The following CHLSN variants were observed in gnomAD, a reference collection of about 807,000 sequenced individuals.
The protein encoded by CHLSN is cholesin, also known as protein cholesin.
the CHLSN span, among the ~76,000 whole-genome samples, chr7:1,072,368 A>G: frequency 6.6e-6 from 1 of 152,244 alleles, no homozygotes; most frequent in South Asian, 2.1e-4. Flanking sequence ...GCAGTGGGGC[A>G]GACACCGGTT....
At chr7:1,058,398 C>T in the CHLSN span, 1 of 780,728 alleles carries the variant, frequency 1.3e-6, no homozygotes, top group Non-Finnish European at 2.4e-6. Context: ...GACACCACTT[C>T]TCTACCGCTA....
chr7:995,867 A>G, the CHLSN span, among the ~76,000 whole-genome samples: 1 of 152,234 alleles, frequency 6.6e-6, no homozygotes, highest in Admixed American at 6.5e-5. Flanking sequence ...TTTGGCCACA[A>G]CAGTTGGGGG....
At chr7:1,125,097 C>T in the CHLSN span, among the ~76,000 whole-genome samples, 116 of 152,376 alleles carry the variant, frequency 7.6e-4, no homozygotes, top group Admixed American at 1.8e-3. Flanking sequence ...CCTGCAGCCA[C>T]AGACGTGGTG....
chr7:1,022,383 A>C, the CHLSN span, among the ~76,000 whole-genome samples: 2 of 152,344 alleles, frequency 1.3e-5, no homozygotes, highest in Admixed American at 1.3e-4. Context: ...ATTCTGTTCC[A>C]ATTTAAAGAA....
At chr7:1,012,178 G>C in the CHLSN span, among the ~76,000 whole-genome samples, 1 of 152,262 alleles carries the variant, frequency 6.6e-6, no homozygotes, top group Non-Finnish European at 1.5e-5. Flanking sequence ...ACGGGCCAAA[G>C]TCCATAACAC....
chr7:1,022,167 C>T, the CHLSN span, among the ~76,000 whole-genome samples: 17 of 152,188 alleles, frequency 1.1e-4, no homozygotes, highest in Non-Finnish European at 7.3e-5. Context: ...ACGGTGGTGA[C>T]GGCAGCTCAG....
the CHLSN span, among the ~76,000 whole-genome samples, chr7:1,133,409 A>AAAAAAAACAAAAC: frequency 6.7e-6 from 1 of 149,432 alleles, no homozygotes. Flanking sequence ...AAAAAAAAAA[A>AAAAAAAACAAAAC]AAAACTATAA....
the CHLSN span, among the ~76,000 whole-genome samples, chr7:1,119,817 C>T: frequency 2.7e-5 from 4 of 149,442 alleles, no homozygotes; most frequent in East Asian, 2.0e-4. Context: ...GCAGAGGTTG[C>T]GGTGAGCCGA....
chr7:1,127,360 G>C, the CHLSN span: 1 of 1,607,754 alleles, frequency 6.2e-7, no homozygotes. Context: ...TGTCACTTCA[G>C]GAACTTTTCT....
the CHLSN span, among the ~76,000 whole-genome samples, chr7:1,103,072 C>T: frequency 7.2e-5 from 11 of 152,202 alleles, no homozygotes; most frequent in Admixed American, 3.9e-4. Context: ...GCGTGCGGGC[C>T]GGGGTCTGGA....
the CHLSN span, among the ~76,000 whole-genome samples, chr7:1,060,424 G>A: frequency 6.6e-6 from 1 of 152,162 alleles, no homozygotes; most frequent in African/African-American, 2.4e-5. Context: ...GGGGTTCTGT[G>A]GCACACTTCC....
the CHLSN span, among the ~76,000 whole-genome samples, chr7:1,125,678 G>A: frequency 1.5e-4 from 23 of 152,230 alleles, no homozygotes; most frequent in Admixed American, 1.4e-3. Flanking sequence ...ACTGAAATCT[G>A]ACATGAGAAC....
At chr7:1,109,174 C>T in the CHLSN span, among the ~76,000 whole-genome samples, 2 of 152,126 alleles carry the variant, frequency 1.3e-5, no homozygotes, top group African/African-American at 4.8e-5. Flanking sequence ...TCGGAGCCAC[C>T]ACGCCCAGCC....
chr7:1,066,257 G>GATC, the CHLSN span, among the ~76,000 whole-genome samples: 9 of 151,926 alleles, frequency 5.9e-5, no homozygotes, highest in Admixed American at 5.9e-4. Context: ...GAAAAATACC[G>GATC]ACAAACGCAG....
the CHLSN span, among the ~76,000 whole-genome samples, chr7:1,113,416 C>A: frequency 1.3e-5 from 2 of 152,198 alleles, no homozygotes; most frequent in African/African-American, 4.8e-5. Context: ...CTGTTCTCTG[C>A]AGGCTGGTGC....
At chr7:1,048,400 G>T in the CHLSN span, among the ~76,000 whole-genome samples, 1 of 152,102 alleles carries the variant, frequency 6.6e-6, no homozygotes, top group Admixed American at 6.5e-5. Flanking sequence ...GTTTCTGCCA[G>T]CTCTGTGCAG....
the CHLSN span, among the ~76,000 whole-genome samples, chr7:1,116,122 C>A: frequency 7.9e-6 from 1 of 127,000 alleles, no homozygotes; most frequent in African/African-American, 2.9e-5. Flanking sequence ...ATCACCAATG[C>A]CCATGCAGGA....
chr7:1,127,653 A>G, the CHLSN span, among the ~76,000 whole-genome samples: 20,674 of 45,006 alleles, frequency 0.46, 4,662 homozygotes, highest in East Asian at 0.64. Context: ...GTGCAGTGGC[A>G]CAATCTCGGC....
At chr7:1,061,671 A>G in the CHLSN span, among the ~76,000 whole-genome samples, 1 of 152,148 alleles carries the variant, frequency 6.6e-6, no homozygotes, top group Non-Finnish European at 1.5e-5. Context: ...TCACACACAG[A>G]ACACAAGAAC....
Sources: allele counts gnomAD v4.1 joint callset (sites outside exome capture counted in the v4.1 genomes callset), GRCh38; gene constraint gnomAD v4.1.1; transcripts MANE v1.5; gene names NCBI Gene and HGNC (gene_info 2026-07-23, HGNC 2026-07-21).